ZNF385B: variants seen among roughly 807,000 people sequenced by gnomAD.
ZNF385B encodes zinc finger protein 385B, also known as zinc finger protein 533.
In ZNF385B, 23 loss-of-function variants were observed where a neutral mutation model predicts 39.2. The ratio of observed to expected loss-of-function variants is 0.59; its 90% CI spans 0.42 to 0.83. The LOEUF (loss-of-function observed/expected upper bound fraction) is 0.83, where lower values mean the gene tolerates loss of function less well. Among genes scored for constraint, ZNF385B ranks in the 40% least tolerant of loss-of-function variants. ZNF385B has a pLI of 0.00. For missense variants in ZNF385B, 552 were observed against 598.9 expected (o/e 0.92, Z 0.82); for synonymous variants, 205 against 222.6 (o/e 0.92, Z 0.70).
At chr2:179,509,024 G>T (rs1379050231) in intron 5 of ZNF385B, among the ~76,000 whole-genome samples, 1 of 149,170 alleles carries the variant, frequency 6.7e-6, no homozygotes, top group African/African-American at 2.5e-5. Flanking sequence ...TGGGCTCACT[G>T]TAAGCCCTGC....
chr2:179,834,037 T>C (rs1421466063), intron 1 of ZNF385B, among the ~76,000 whole-genome samples: 1 of 152,098 alleles, frequency 6.6e-6, no homozygotes, highest in Non-Finnish European at 1.5e-5. Flanking sequence ...GAATCATGGT[T>C]TTCTCTGTGG....
At chr2:179,659,594 A>C (rs947434301) in intron 3 of ZNF385B, among the ~76,000 whole-genome samples, 116 of 152,214 alleles carry the variant, frequency 7.6e-4, no homozygotes, top group African/African-American at 2.6e-3. Flanking sequence ...TTACCTTTTC[A>C]TTGTTCCACT....
intron 4 of ZNF385B, among the ~76,000 whole-genome samples, chr2:179,529,857 T>C (rs1249526680): frequency 1.3e-5 from 2 of 152,212 alleles, no homozygotes; most frequent in Non-Finnish European, 2.9e-5. Flanking sequence ...GGTTATAGTA[T>C]ACTATTCTGA....
chr2:179,656,314 T>C (rs759844268), intron 3 of ZNF385B, among the ~76,000 whole-genome samples: 2 of 152,120 alleles, frequency 1.3e-5, no homozygotes, highest in Non-Finnish European at 2.9e-5. Flanking sequence ...TTCCATCAGG[T>C]AGGCATTTTG....
chr2:179,573,696 C>T (rs990847602), intron 3 of ZNF385B, among the ~76,000 whole-genome samples: 4 of 151,954 alleles, frequency 2.6e-5, no homozygotes, highest in African/African-American at 7.2e-5. Context: ...GAAATCAATA[C>T]TCTGTAAGGG....
chr2:179,443,412 G>A lies in ZNF385B; in HGVS notation c.1299C>T (p.Ser433=), dbSNP rs1472478302. ...MMKPLAPAFL[S]SPLAAAAAVS... ...CGGCTGCCGCCGCTGCGAGAGGTGA[G>A]GACAGGAAGGCTGGGGCCAAAGGCT... The change falls in exon 10 of 10, where the codon TCC becomes TCT. Residue 433 remains serine (S), a synonymous_variant. Transcript: ENST00000410066. 2 of 1,611,782 alleles carry A rather than the reference G, an allele frequency of 1.2e-6. No individual in the cohort carries two copies. Among genetic ancestry groups the A allele is most frequent in the South Asian group, 2.2e-5 (2 of 90,660 alleles).
intron 3 of ZNF385B, among the ~76,000 whole-genome samples, chr2:179,566,081 A>G (rs1339775604): frequency 2.0e-5 from 3 of 152,208 alleles, no homozygotes; most frequent in Admixed American, 6.5e-5. Flanking sequence ...GCGTAAGGGA[A>G]TAGCATCTGT....
intron 3 of ZNF385B, among the ~76,000 whole-genome samples, chr2:179,598,287 G>A (rs183806183): frequency 3.2e-4 from 48 of 152,018 alleles, no homozygotes; most frequent in African/African-American, 1.1e-3. Context: ...TGTTTGTGGC[G>A]CTCTAGTTCA....
chr2:179,698,894 T>A lies in ZNF385B; in HGVS notation c.298+70609A>T, dbSNP rs73973681. On this transcript the variant is annotated intron_variant, in intron 3 of 9. Coordinates refer to ENST00000410066, the MANE Select transcript of ZNF385B (RefSeq NM_152520.6). Reference sequence around the variant, plus strand: ...AGAATAAAATCAAAAGATCATCTTCTGATCCCAGCTAACTAATGCTTTAGT... The same window carrying A: ...AGAATAAAATCAAAAGATCATCTTCAGATCCCAGCTAACTAATGCTTTAGT... Among the ~76,000 whole-genome samples the A allele has an allele frequency of 2.4e-3, 366 of 152,330 alleles. 2 individuals are homozygous for A. The highest frequency in any genetic ancestry group is 6.8e-3 in the Middle Eastern group (2 of 294).
chr2:179,629,845 G>A (rs1278270603), intron 3 of ZNF385B, among the ~76,000 whole-genome samples: 1 of 152,206 alleles, frequency 6.6e-6, no homozygotes, highest in Non-Finnish European at 1.5e-5. Context: ...CTTAGCAACT[G>A]GCAGACAAGC....
chr2:179,501,020 T>C (rs2056710138), intron 5 of ZNF385B, among the ~76,000 whole-genome samples: 1 of 152,152 alleles, frequency 6.6e-6, no homozygotes, highest in African/African-American at 2.4e-5. Flanking sequence ...ATCAGAGAAA[T>C]GCAAATCAAA....
At chr2:179,526,177 C>G (rs1167072321) in intron 4 of ZNF385B, among the ~76,000 whole-genome samples, 1 of 151,550 alleles carries the variant, frequency 6.6e-6, no homozygotes, top group Non-Finnish European at 1.5e-5. Context: ...GCTGGGATTC[C>G]AGGTATGTGC....
chr2:179,749,058 T>G lies in ZNF385B; in HGVS notation c.298+20445A>C, dbSNP rs531469390. On this transcript the variant is annotated intron_variant, in intron 3 of 9. Coordinates refer to ENST00000410066, the MANE Select transcript of ZNF385B (RefSeq NM_152520.6). ...ATTTTTTTGACAATACAACATAATT[T>G]GGTGAATTCTTCTTTTTTTTAGCAA... is the stretch of plus-strand genomic sequence containing the variant. 7.9e-5 allele frequency among the ~76,000 whole-genome samples: 12 copies of G among 152,242 alleles called. No homozygotes were observed. In the South Asian group the frequency reaches 2.5e-3, roughly 32 times the overall value.
chr2:179,468,258 A>G (rs955488880), intron 6 of ZNF385B, among the ~76,000 whole-genome samples: 2 of 152,208 alleles, frequency 1.3e-5, no homozygotes, highest in African/African-American at 4.8e-5. Flanking sequence ...AGTGAGCATA[A>G]AAAAGGGCTT....
chr2:179,483,675 G>T (rs988582147), intron 5 of ZNF385B, among the ~76,000 whole-genome samples: 3 of 152,110 alleles, frequency 2.0e-5, no homozygotes, highest in African/African-American at 7.2e-5. Context: ...TATATGAGTG[G>T]ACAAAAGGAT....
intron 1 of ZNF385B, among the ~76,000 whole-genome samples, chr2:179,860,144 T>C (rs1684923499): frequency 6.6e-6 from 1 of 152,190 alleles, no homozygotes; most frequent in Admixed American, 6.5e-5. Context: ...TGGTGTGATA[T>C]TCCTCAGCAA....
In ZNF385B at chr2:179,483,331, G is replaced by A. The variant is rs754649669; in HGVS notation, c.656C>T (p.Ala219Val). 1.2e-6 allele frequency: 2 copies of A among 1,614,016 alleles called. No homozygotes were observed. Among genetic ancestry groups the A allele is most frequent in the Non-Finnish European group, 1.7e-6 (2 of 1,179,962 alleles). ...GATGGAGCAGCTGGGATTAGCCTTTGCGCTGTCCTTGGAAGGAACCATTTT... is the reference window on the plus strand; with the variant it reads ...GATGGAGCAGCTGGGATTAGCCTTTACGCTGTCCTTGGAAGGAACCATTTT... The part of the protein sequence containing the change: ...KPKMVPSKDS[A>V]KANPSCSITP... The change falls in exon 6 of 10, where the codon GCA becomes GTA. Residue 219 changes from alanine to valine, a missense_variant. By Grantham distance (64) the Ala-to-Val change is moderately conservative (BLOSUM62 0). Transcript: ENST00000410066.
intron 1 of ZNF385B, among the ~76,000 whole-genome samples, chr2:179,850,349 T>C (rs1709017679): frequency 6.6e-6 from 1 of 152,140 alleles, no homozygotes; most frequent in Non-Finnish European, 1.5e-5. Context: ...CTCTCATCCA[T>C]CACATATTTT....
At chr2:179,793,503 A>G (rs764612956) in intron 1 of ZNF385B, among the ~76,000 whole-genome samples, 56 of 152,158 alleles carry the variant, frequency 3.7e-4, no homozygotes, top group Admixed American at 7.9e-4. Flanking sequence ...GTGACTTCTC[A>G]TGAGGTCTGA....
Sources: allele counts gnomAD v4.1 joint callset (sites outside exome capture counted in the v4.1 genomes callset), GRCh38; gene constraint gnomAD v4.1.1; transcripts MANE v1.5; gene names NCBI Gene and HGNC (gene_info 2026-07-23, HGNC 2026-07-21).